MAP3K4: variants seen among roughly 807,000 people sequenced by gnomAD.
MAP3K4 encodes MAP three kinase 1.
A neutral mutation model predicts 185.6 loss-of-function variants in MAP3K4; 67 were observed. That is an observed-to-expected ratio of 0.36 (90% CI 0.30 to 0.44). The LOEUF is 0.44. Ranked by LOEUF, MAP3K4 falls within the 20% of genes least tolerant of loss-of-function variation. The pLI, the probability that MAP3K4 is intolerant of heterozygous loss-of-function variation, is 1.00. For missense variants in MAP3K4, 1,551 were observed against 1,995.1 expected (o/e 0.78, Z 4.24); for synonymous variants, 702 against 710.4 (o/e 0.99, Z 0.19).
chr6:161,042,969 T>G (rs1783557231), intron 2 of MAP3K4, among the ~76,000 whole-genome samples: 1 of 152,030 alleles, frequency 6.6e-6, no homozygotes. Context: ...TCTCAAGGTG[T>G]GTGTGTGTGC....
In MAP3K4 at chr6:161,107,557, A is replaced by G. The variant is rs1359905670; in HGVS notation, c.4049-342A>G. Among the ~76,000 whole-genome samples, 1 of 152,114 alleles carries G rather than the reference A, an allele frequency of 6.6e-6. No homozygotes were observed. The highest frequency in any genetic ancestry group is 1.5e-5 in the Non-Finnish European group (1 of 68,026). ...GTCCTGGCTGTTTTCTGCTGCTCCCAGCCCCAGCCAAGATCTCCTTGAGGG... is the reference window on the plus strand; with the variant it reads ...GTCCTGGCTGTTTTCTGCTGCTCCCGGCCCCAGCCAAGATCTCCTTGAGGG... On this transcript the variant is annotated intron_variant, in intron 20 of 26. Transcript: ENST00000392142. The surrounding 1 kb of genome is among the most constrained non-coding windows in gnomAD (Gnocchi z 6.2).
intron 2 of MAP3K4, among the ~76,000 whole-genome samples, chr6:161,046,213 GA>G (rs1783722536): frequency 2.0e-5 from 3 of 152,042 alleles, no homozygotes; most frequent in Admixed American, 1.3e-4. Flanking sequence ...GAATTATCTT[GA>G]AAAATATAGT....
In MAP3K4 at chr6:161,034,531, C is replaced by T; in HGVS notation, c.343+82C>T. 13 of 1,167,842 alleles carry T rather than the reference C, an allele frequency of 1.1e-5. No homozygotes were observed. The highest frequency in any genetic ancestry group is 5.3e-5 in the East Asian group (2 of 37,748). 72.3% of individuals were successfully genotyped at this position (1,167,842 alleles called of 1,614,324 possible). A position where few individuals can be genotyped will look rare whatever the true frequency, so the allele number is the denominator to read the frequency against. ...CTTTCAACAATAAAGTTAGCAATTT[C>T]TTTTATTTTTAATTTGATTTTAATG... is the stretch of plus-strand genomic sequence containing the variant. On this transcript the variant is annotated intron_variant, in intron 2 of 26. Transcript: ENST00000392142. This position sits in a 1 kb window ranked among gnomAD's most constrained non-coding sequence, Gnocchi z 4.4.
At chr6:161,015,479 A>G (rs1008816104) in intron 1 of MAP3K4, among the ~76,000 whole-genome samples, 5 of 152,064 alleles carry the variant, frequency 3.3e-5, no homozygotes, top group African/African-American at 9.7e-5. Flanking sequence ...TGAAGTGGCC[A>G]CCATCACCAC....
Position 161,109,609 on chromosome 6 carries a change from A to G in MAP3K4, c.4237-146A>G, listed in dbSNP as rs1344043790. ...GACTTAGAAACGACTGTTGTGAGAC[A>G]CATTCAGTGCTCAGGATGGCAAGTG... On this transcript the variant is annotated intron_variant, in intron 22 of 26. Coordinates refer to ENST00000392142, the MANE Select transcript of MAP3K4 (RefSeq NM_005922.4). The surrounding 1 kb of genome is among the most constrained non-coding windows in gnomAD (Gnocchi z 5.7). 1.3e-6 allele frequency: 1 copy of G among 758,908 alleles called. No homozygotes were observed. The highest frequency in any genetic ancestry group is 1.7e-5 in the African/African-American group (1 of 57,344). The allele number at this position is 758,908 out of a possible 1,614,324, so 47.0% of individuals were successfully genotyped here.
At position 161,075,006 on chromosome 6, in the gene MAP3K4, C is replaced by T. The variant is rs750110973; in HGVS notation, c.2097+1394C>T. The stretch of plus-strand genomic sequence containing the variant: ...GAATGCACATGTTGAGCTTTCCAGC[C>T]TCTGTAGTAGAAGTAGAGAAGGAAG... On this transcript the variant is annotated intron_variant, in intron 5 of 26. Coordinates refer to ENST00000392142, the MANE Select transcript of MAP3K4 (RefSeq NM_005922.4). The surrounding 1 kb of genome is among the most constrained non-coding windows in gnomAD (Gnocchi z 4.3). Among the ~76,000 whole-genome samples, 2 of 152,014 alleles carry T rather than the reference C, an allele frequency of 1.3e-5. No homozygotes were observed. Among genetic ancestry groups the T allele is most frequent in the Non-Finnish European group, 2.9e-5 (2 of 68,018 alleles).
chr6:161,099,867 A>T (rs1777755160), intron 17 of MAP3K4, among the ~76,000 whole-genome samples: 1 of 152,146 alleles, frequency 6.6e-6, no homozygotes. Context: ...CTTTTCATGG[A>T]GTTTAGTCTT....
rs1028001698 is a variant in MAP3K4, at chr6:161,043,983, G to A, written c.344-4633G>A. Among the ~76,000 whole-genome samples, 1 of 152,200 alleles carries A rather than the reference G, an allele frequency of 6.6e-6. No individual in the cohort carries two copies. The highest frequency in any genetic ancestry group is 6.5e-5 in the Admixed American group (1 of 15,280). On this transcript the variant is annotated intron_variant, in intron 2 of 26. Transcript: ENST00000392142. This position sits in a 1 kb window ranked among gnomAD's most constrained non-coding sequence, Gnocchi z 4.3. ...ATATTCTAAAGAGCCATTTTTAGTT[G>A]TAGATGGTGGGAATTCATTTGTTTG...
In MAP3K4 at chr6:161,064,900, A is replaced by G. The variant is rs1009313092; in HGVS notation, c.1708-5708A>G. Among the ~76,000 whole-genome samples, 44 of 152,202 alleles carry G rather than the reference A, an allele frequency of 2.9e-4. No individual in the cohort carries two copies. Among genetic ancestry groups the G allele is most frequent in the African/African-American group, 9.4e-4 (39 of 41,456 alleles). On this transcript the variant is annotated intron_variant, in intron 3 of 26. Coordinates refer to ENST00000392142, the MANE Select transcript of MAP3K4 (RefSeq NM_005922.4). This position sits in a 1 kb window ranked among gnomAD's most constrained non-coding sequence, Gnocchi z 4.3. ...GAGAGAGGGAGGGACCCATGGGCCA[A>G]TGCCTTCGTGGAGTCCAAGGTATTG...
At chr6:161,058,107 A>G (rs1784323007) in intron 3 of MAP3K4, among the ~76,000 whole-genome samples, 1 of 152,272 alleles carries the variant, frequency 6.6e-6, no homozygotes, top group African/African-American at 2.4e-5. Flanking sequence ...TCACAAATCT[A>G]GAAAGTGGCA....
chr6:160,994,198 G>A (rs1315053319), intron 1 of MAP3K4, among the ~76,000 whole-genome samples: 1 of 151,252 alleles, frequency 6.6e-6, no homozygotes, highest in African/African-American at 2.4e-5. Context: ...TGGTTACATG[G>A]ATAAGTTCTG....
intron 2 of MAP3K4, among the ~76,000 whole-genome samples, chr6:161,047,144 A>G (rs909135515): frequency 6.4e-5 from 9 of 139,920 alleles, no homozygotes; most frequent in South Asian, 2.2e-4. Flanking sequence ...ATATATATAT[A>G]TGTTTAAAAA....
Position 161,109,215 on chromosome 6 carries a change from T to G in MAP3K4, c.4236+356T>G, listed in dbSNP as rs530499928. 2.0e-5 allele frequency among the ~76,000 whole-genome samples: 3 copies of G among 152,312 alleles called. No individual in the cohort carries two copies. The highest frequency in any genetic ancestry group is 4.1e-4 in the South Asian group (2 of 4,834). ...AAGTAATACTGGTTTTTTTCTTGTA[T>G]GTATTTAGGGAGCCATTGTGAAATG... On this transcript the variant is annotated intron_variant, in intron 22 of 26. Transcript: ENST00000392142. This position sits in a 1 kb window ranked among gnomAD's most constrained non-coding sequence, Gnocchi z 5.7.
At position 161,110,458 on chromosome 6, in the gene MAP3K4, T is replaced by C. The variant is rs1778298387; in HGVS notation, c.4396+544T>C. ...CATAGCACGAGGGGAATAGCTGGGCTTCTGTCTCAGAACGGTCACCGTGGC... is the reference window on the plus strand; with the variant it reads ...CATAGCACGAGGGGAATAGCTGGGCCTCTGTCTCAGAACGGTCACCGTGGC... On this transcript the variant is annotated intron_variant, in intron 23 of 26. Transcript: ENST00000392142. This position sits in a 1 kb window ranked among gnomAD's most constrained non-coding sequence, Gnocchi z 4.8. 1.3e-5 allele frequency among the ~76,000 whole-genome samples: 2 copies of C among 152,220 alleles called. No individual in the cohort carries two copies.
rs914168479 is a variant in MAP3K4 at position 161,109,368 on chromosome 6, A to G, written c.4237-387A>G. ...TTCCAGGGGAAGTTGGAAATGGATC[A>G]TTTTTAATGTTTTTACAAATTATGT... On this transcript the variant is annotated intron_variant, in intron 22 of 26. Transcript: ENST00000392142. This position sits in a 1 kb window ranked among gnomAD's most constrained non-coding sequence, Gnocchi z 5.7. Among the ~76,000 whole-genome samples, 4 of 152,188 alleles carry G rather than the reference A, an allele frequency of 2.6e-5. No individual in the cohort carries two copies. The highest frequency in any genetic ancestry group is 9.7e-5 in the African/African-American group (4 of 41,444).
chr6:161,011,837 C>A (rs910884908), intron 1 of MAP3K4, among the ~76,000 whole-genome samples: 1 of 152,168 alleles, frequency 6.6e-6, no homozygotes, highest in African/African-American at 2.4e-5. Flanking sequence ...GCAGTCCACC[C>A]TACCCATCTG....
At chr6:161,005,342 G>A (rs975585894) in intron 1 of MAP3K4, among the ~76,000 whole-genome samples, 13 of 151,838 alleles carry the variant, frequency 8.6e-5, no homozygotes, top group Admixed American at 1.3e-4. Flanking sequence ...GTTTCTCCAC[G>A]TTGCCCAGAC....
chr6:161,073,451 T>C lies in MAP3K4; in HGVS notation c.1951-15T>C. The C allele has an allele frequency of 6.4e-7, 1 of 1,571,894 alleles. No individual in the cohort carries two copies. Among genetic ancestry groups the C allele is most frequent in the East Asian group, 2.3e-5 (1 of 42,838 alleles). ...GAGTTTATGGCTGCTGGAACCTGTGTGTGTTGTTTTGCAGCTGGTGAGAGA... is the reference window on the plus strand; with the variant it reads ...GAGTTTATGGCTGCTGGAACCTGTGCGTGTTGTTTTGCAGCTGGTGAGAGA... On this transcript the variant is annotated splice_polypyrimidine_tract_variant and intron_variant, in intron 4 of 26. Transcript: ENST00000392142. This position sits in a 1 kb window ranked among gnomAD's most constrained non-coding sequence, Gnocchi z 4.2.
In MAP3K4 at chr6:161,034,673, C is replaced by T. The variant is rs774902403; in HGVS notation, c.343+224C>T. 4.6e-5 allele frequency among the ~76,000 whole-genome samples: 7 copies of T among 152,166 alleles called. No homozygotes were observed. In the South Asian group the frequency reaches 1.2e-3, roughly 27 times the overall value. ...AGTAATGGTTAAAGCCAGCAATGCA[C>T]GGGCATTTGAAGAAGTGAAAGAGGG... On this transcript the variant is annotated intron_variant, in intron 2 of 26. Coordinates refer to ENST00000392142, the MANE Select transcript of MAP3K4 (RefSeq NM_005922.4). The surrounding 1 kb of genome is among the most constrained non-coding windows in gnomAD (Gnocchi z 4.4).
Sources: gnomAD v4.1 joint callset for allele counts (sites outside exome capture counted in the v4.1 genomes callset) on GRCh38, gnomAD v4.1.1 for gene constraint, Gnocchi (gnomAD v3.1) non-coding constraint, MANE v1.5 for transcripts, NCBI Gene and HGNC (gene_info 2026-07-23, HGNC 2026-07-21) for gene names.